TTC39A: variants seen among roughly 807,000 people sequenced by gnomAD.
TTC39A encodes the protein tetratricopeptide repeat protein 39A.
TTC39A carries 46 observed loss-of-function variants against 82.3 expected under a neutral mutation model. The observed-to-expected ratio is 0.56, with a 90% CI of 0.44 to 0.71. The LOEUF is 0.71. Among genes scored for constraint, TTC39A ranks in the 30% least tolerant of loss-of-function variants. The pLI is 0.00. For synonymous variants in TTC39A, 254 were observed against 275.2 expected, an observed-to-expected ratio of 0.92 and a Z score of 0.76; for missense variants, 543 against 712.9, an observed-to-expected ratio of 0.76 and a Z score of 2.71.
chr1:51,329,985 G>C (rs78998137), intron 1 of TTC39A: 74 of 258,684 alleles, frequency 2.9e-4, no homozygotes, highest in African/African-American at 1.3e-3. Context: ...ATGATGGGGT[G>C]GGGGGATCTG....
chr1:51,300,079 A>G (rs1644594111), intron 12 of TTC39A: 1 of 152,206 alleles, frequency 6.6e-6, no homozygotes, highest in African/African-American at 2.4e-5. Flanking sequence ...GGACTCTAGG[A>G]GCAAGAGAGA....
At chr1:51,340,929 T>C (rs1190213795) in intron 1 of TTC39A, among the ~76,000 whole-genome samples, 1 of 152,142 alleles carries the variant, frequency 6.6e-6, no homozygotes, top group Non-Finnish European at 1.5e-5. Context: ...CCCAACACTT[T>C]GGGAGGCCGA....
chr1:51,303,871 T>C (rs904564858), intron 8 of TTC39A, among the ~76,000 whole-genome samples: 3 of 152,208 alleles, frequency 2.0e-5, no homozygotes, highest in African/African-American at 7.2e-5. Context: ...CCTGAAATCC[T>C]ACTCATGACC....
At chr1:51,296,008 T>C (rs1309117724) in intron 13 of TTC39A, 71 bp downstream of exon 13, 1 of 1,514,346 alleles carries the variant, frequency 6.6e-7, no homozygotes, top group African/African-American at 1.4e-5. Flanking sequence ...CAGGGTGGCC[T>C]GGCTGGTCTG....
In TTC39A at chr1:51,288,909, G is replaced by A. The variant is rs778196240; in HGVS notation, c.1540C>T (p.Leu514=). 2.5e-6 allele frequency: 4 copies of A among 1,612,074 alleles called. No homozygotes were observed. The African/African-American group carries it at 4.0e-5, about 16-fold the overall frequency. The change falls in exon 17 of 18, where the codon CTG becomes TTG. Residue 514 remains leucine, a synonymous_variant. Coordinates refer to ENST00000680483, the MANE Select transcript of TTC39A (RefSeq NM_001297663.2). This position sits in a 1 kb window ranked among gnomAD's most constrained non-coding sequence, Gnocchi z 4.8. The part of the protein sequence containing the change: ...YDHYLIPNAL[L]ELALLLMEQD... ...TCCATAAGCAGCAGGGCCAGCTCCAGCAGGGCGTTTGGGATCAAGTAGTGG... is the reference window on the plus strand; with the variant it reads ...TCCATAAGCAGCAGGGCCAGCTCCAACAGGGCGTTTGGGATCAAGTAGTGG...
At chr1:51,317,322 C>G (rs1332595591) in intron 2 of TTC39A, among the ~76,000 whole-genome samples, 1 of 152,190 alleles carries the variant, frequency 6.6e-6, no homozygotes, top group African/African-American at 2.4e-5. Context: ...ACCCGTGGTT[C>G]TCAATGGAAG....
upstream of TTC39A, among the ~76,000 whole-genome samples, chr1:51,334,555 T>G (rs1645951102): frequency 6.6e-6 from 1 of 151,542 alleles, no homozygotes; most frequent in African/African-American, 2.4e-5. Context: ...CTCCAGAGTC[T>G]GAGGCAGGAG....
Position 51,302,517 on chromosome 1 carries a change from G to C in TTC39A, c.820C>G (p.Arg274Gly), listed in dbSNP as rs367944910. The change falls in exon 10 of 18, where the codon CGG (arginine) becomes GGG (glycine). Residue 274 changes from arginine to glycine, a missense_variant. Arg to Gly is a moderately radical substitution (Grantham distance 125). Coordinates refer to ENST00000680483, the MANE Select transcript of TTC39A (RefSeq NM_001297663.2). The stretch of plus-strand genomic sequence containing the variant: ...CACATGGGGCTCACCTTAGGGTACC[G>C]GTTCAGGTAGGGCTTCAAGAGCTTC... ...AEKLLKPYLN[R>G]YPKGAIFLFF... The C allele has an allele frequency of 1.2e-6, 2 of 1,609,260 alleles. No individual in the cohort carries two copies. Among genetic ancestry groups the C allele is most frequent in the Non-Finnish European group, 1.7e-6 (2 of 1,177,886 alleles).
chr1:51,311,155 G>A (rs1026736010), intron 5 of TTC39A, 99 bp downstream of exon 5: 10 of 1,160,300 alleles, frequency 8.6e-6, no homozygotes, highest in Non-Finnish European at 1.1e-5. Flanking sequence ...TGGTTGCTAT[G>A]GGGGATGGGT....
chr1:51,331,830 G>A, upstream of TTC39A: 3 of 985,152 alleles, frequency 3.0e-6, no homozygotes, highest in South Asian at 4.7e-5. Context: ...GGGAGAGACT[G>A]GGGAGCTTCC....
intron 1 of TTC39A, among the ~76,000 whole-genome samples, chr1:51,322,814 T>C (rs1045513819): frequency 2.6e-5 from 4 of 152,170 alleles, no homozygotes; most frequent in Admixed American, 1.3e-4. Flanking sequence ...GAAATCCTAT[T>C]TCCCAGAAGT....
upstream of TTC39A, among the ~76,000 whole-genome samples, chr1:51,333,220 C>CAAAA (rs748559262): frequency 4.6e-4 from 37 of 80,192 alleles, no homozygotes; most frequent in Middle Eastern, 8.6e-3. Flanking sequence ...TCGCCCCCAC[C>CAAAA]AAAAAAAAAA....
upstream of TTC39A, among the ~76,000 whole-genome samples, chr1:51,334,428 G>A (rs531024618): frequency 8.5e-5 from 13 of 152,182 alleles, no homozygotes; most frequent in Admixed American, 3.3e-4. Flanking sequence ...GCTTGAACCC[G>A]GGAGGCGGAG....
rs58825279 is a variant in TTC39A, at chr1:51,291,628, C to CAA, written c.1267-1005_1267-1004dup. 1.9e-3 allele frequency among the ~76,000 whole-genome samples: 95 copies of CAA among 49,946 alleles called. 1 individual carries two copies. Among genetic ancestry groups the CAA allele is most frequent in the South Asian group, 0.012 (12 of 980 alleles). 32.8% of individuals were successfully genotyped at this position (49,946 alleles called of 152,430 possible). ...CAACATGGCGAAACCCCATCTCCAC[C>CAA]AAAAAAAAAAAAAAAAAAAAAAAAA... On this transcript the variant is annotated intron_variant, in intron 14 of 17. Transcript: ENST00000680483.
chr1:51,294,531 G>T lies in TTC39A; in HGVS notation c.1146-20C>A. ...ACAGCTCTGCGAAAGAGATGGGGAG[G>T]GTGGGAGAGGATGAAAAAGAGCAGG... On this transcript the variant is annotated intron_variant, in intron 13 of 17. Transcript: ENST00000680483. This position sits in a 1 kb window ranked among gnomAD's most constrained non-coding sequence, Gnocchi z 4.3. 1 of 1,613,592 alleles carries T rather than the reference G, an allele frequency of 6.2e-7. No homozygotes were observed. The highest frequency in any genetic ancestry group is 8.5e-7 in the Non-Finnish European group (1 of 1,179,798).
At chr1:51,302,613 C>G (rs776816232) in intron 9 of TTC39A, 40 bp from the exon 10 acceptor site, 1 of 1,567,410 alleles carries the variant, frequency 6.4e-7, no homozygotes, top group South Asian at 1.2e-5. Context: ...CATGTCACCA[C>G]CCCTGGCTCC....
intron 2 of TTC39A, among the ~76,000 whole-genome samples, chr1:51,320,359 A>G (rs986687283): frequency 5.9e-5 from 9 of 151,744 alleles, no homozygotes; most frequent in Admixed American, 4.6e-4. Context: ...ACAAAGGTAT[A>G]GTAAGGTAAA....
At chr1:51,306,102 T>A in intron 6 of TTC39A, 26 bp from the exon 7 acceptor site, 1 of 1,580,170 alleles carries the variant, frequency 6.3e-7, no homozygotes, top group Non-Finnish European at 8.7e-7. Context: ...AAGTCCTGTT[T>A]CAGCCACTGC....
chr1:51,332,666 T>C (rs576989113), upstream of TTC39A, among the ~76,000 whole-genome samples: 1 of 152,256 alleles, frequency 6.6e-6, no homozygotes, highest in Non-Finnish European at 1.5e-5. Context: ...CACGTGCTGC[T>C]GAGTTACCCT....
Sources: allele counts gnomAD v4.1 joint callset (sites outside exome capture counted in the v4.1 genomes callset), GRCh38; gene constraint gnomAD v4.1.1; non-coding constraint Gnocchi (gnomAD v3.1); transcripts MANE v1.5; gene names NCBI Gene and HGNC (gene_info 2026-07-23, HGNC 2026-07-21).